Variants in DNAAF11 observed in about 807,000 individuals in gnomAD.
DNAAF11 encodes leucine rich repeat containing 6.
DNAAF11 carries 45 observed loss-of-function variants against 60.8 expected under a neutral mutation model. The ratio of observed to expected loss-of-function variants is 0.74; its 90% CI spans 0.58 to 0.95. The LOEUF (loss-of-function observed/expected upper bound fraction) is 0.95, where lower values mean the gene tolerates loss of function less well. Ranked by LOEUF, DNAAF11 falls within the 40% of genes least tolerant of loss-of-function variation. DNAAF11 has a pLI of 0.00. For missense variants in DNAAF11, 546 were observed against 546.2 expected (o/e 1.00, Z 0.00); for synonymous variants, 191 against 183.5 (o/e 1.04, Z -0.33).
intron 11 of DNAAF11, among the ~76,000 whole-genome samples, chr8:132,575,366 C>T (rs1814631645): frequency 6.6e-6 from 1 of 152,174 alleles, no homozygotes; most frequent in Non-Finnish European, 1.5e-5. Flanking sequence ...AAAAGGGTGG[C>T]ATCAGTCAAT....
intron 7 of DNAAF11, among the ~76,000 whole-genome samples, chr8:132,621,378 T>C (rs1389750357): frequency 2.0e-5 from 3 of 152,100 alleles, no homozygotes; most frequent in Non-Finnish European, 4.4e-5. Flanking sequence ...TTCTGGCCAG[T>C]GGTGCATGAC....
intron 10 of DNAAF11, chr8:132,608,478 G>C (rs1019907439): frequency 8.9e-6 from 4 of 451,892 alleles, no homozygotes; most frequent in Non-Finnish European, 1.3e-5. Flanking sequence ...TAAAGGAAAA[G>C]GGGAAAAGAA....
chr8:132,702,240 G>A, the DNAAF11 span: 1 of 152,134 alleles, frequency 6.6e-6, no homozygotes, highest in Admixed American at 6.5e-5. Flanking sequence ...CATGAAATTA[G>A]GTCTGTTTTA....
intron 10 of DNAAF11, among the ~76,000 whole-genome samples, chr8:132,602,089 AGCAGT>A (rs1817687768): frequency 6.6e-6 from 1 of 152,016 alleles, no homozygotes; most frequent in Non-Finnish European, 1.5e-5. Context: ...TTTCCAGTGT[AGCAGT>A]GCTCTCTTCA....
At chr8:132,700,034 G>C in the DNAAF11 span, among the ~76,000 whole-genome samples, 7 of 152,130 alleles carry the variant, frequency 4.6e-5, no homozygotes, top group Non-Finnish European at 1.0e-4. Flanking sequence ...TGGAACCACA[G>C]TGTTGTGGTT....
chr8:132,638,115 GA>G lies in DNAAF11; in HGVS notation c.257-9del. 6.2e-7 allele frequency: 1 copy of G among 1,608,720 alleles called. No homozygotes were observed. The highest frequency in any genetic ancestry group is 8.5e-7 in the Non-Finnish European group (1 of 1,177,678). ...TTGCCAGCTCTTCACATCCTGTTGA[GA>G]AAAATAAAGTGAAAACAAAGCAAAC... On this transcript the variant is annotated splice_polypyrimidine_tract_variant and intron_variant, in intron 3 of 11. Coordinates refer to ENST00000620350, the MANE Select transcript of DNAAF11 (RefSeq NM_012472.6).
At chr8:132,591,688 C>A (rs1032094884) in intron 10 of DNAAF11, among the ~76,000 whole-genome samples, 2 of 151,918 alleles carry the variant, frequency 1.3e-5, no homozygotes, top group African/African-American at 4.8e-5. Flanking sequence ...AATGTAAACT[C>A]CATGAGGACA....
intron 4 of DNAAF11, among the ~76,000 whole-genome samples, chr8:132,633,965 C>T (rs1026965559): frequency 6.6e-6 from 1 of 151,994 alleles, no homozygotes; most frequent in African/African-American, 2.4e-5. Flanking sequence ...TCTCCAGAAT[C>T]ATAAGGTGAT....
chr8:132,584,480 C>A (rs572033282), intron 10 of DNAAF11, among the ~76,000 whole-genome samples: 1 of 152,168 alleles, frequency 6.6e-6, no homozygotes, highest in African/African-American at 2.4e-5. Flanking sequence ...TAGGCACACA[C>A]CTACCAATAT....
chr8:132,599,428 G>A (rs905944834), intron 10 of DNAAF11, among the ~76,000 whole-genome samples: 1 of 152,130 alleles, frequency 6.6e-6, no homozygotes, highest in African/African-American at 2.4e-5. Context: ...ATTTTATGAG[G>A]CCAGCATCAT....
chr8:132,596,783 C>T (rs1252590333), intron 10 of DNAAF11, among the ~76,000 whole-genome samples: 1 of 152,156 alleles, frequency 6.6e-6, no homozygotes. Flanking sequence ...CAAAGAGCGA[C>T]ACTCCCTCTC....
intron 10 of DNAAF11, among the ~76,000 whole-genome samples, chr8:132,607,352 T>G (rs966228513): frequency 6.6e-6 from 1 of 152,208 alleles, no homozygotes; most frequent in Non-Finnish European, 1.5e-5. Flanking sequence ...TACAGCAATC[T>G]GTAGTATGCC....
intron 7 of DNAAF11, among the ~76,000 whole-genome samples, chr8:132,619,747 T>A (rs1380334755): frequency 6.6e-6 from 1 of 152,192 alleles, no homozygotes; most frequent in Non-Finnish European, 1.5e-5. Context: ...TTTTTAGAAT[T>A]TGTTTGCACA....
the DNAAF11 span, among the ~76,000 whole-genome samples, chr8:132,691,040 G>T: frequency 6.6e-6 from 1 of 150,704 alleles, no homozygotes; most frequent in Non-Finnish European, 1.5e-5. Context: ...TTCTTTGGAA[G>T]AAAGTCACTA....
chr8:132,696,636 T>A, the DNAAF11 span, among the ~76,000 whole-genome samples: 1 of 152,166 alleles, frequency 6.6e-6, no homozygotes, highest in Non-Finnish European at 1.5e-5. Flanking sequence ...GAAAACATTA[T>A]GCCACATGAA....
intron 8 of DNAAF11, among the ~76,000 whole-genome samples, chr8:132,614,466 G>T (rs1455203251): frequency 2.6e-5 from 4 of 152,232 alleles, no homozygotes; most frequent in East Asian, 1.9e-4. Flanking sequence ...CAGGCTGAAG[G>T]TTTGAGTGTC....
At chr8:132,643,325 A>G (rs753507612) in intron 3 of DNAAF11, 3 of 202,332 alleles carry the variant, frequency 1.5e-5, no homozygotes, top group African/African-American at 4.6e-5. Context: ...TTAAGTCTGT[A>G]AGTAAAAGTA....
chr8:132,630,007 T>A (rs893420831), intron 5 of DNAAF11, among the ~76,000 whole-genome samples: 10 of 152,208 alleles, frequency 6.6e-5, no homozygotes, highest in Non-Finnish European at 1.2e-4. Flanking sequence ...TCTAAATAAA[T>A]AGAGCTCTTC....
intron 1 of DNAAF11, among the ~76,000 whole-genome samples, chr8:132,672,888 A>G (rs997949744): frequency 2.0e-5 from 3 of 152,132 alleles, no homozygotes; most frequent in African/African-American, 7.2e-5. Context: ...TCCCCTCCTC[A>G]TCTCTAAAAT....
Sources: allele counts gnomAD v4.1 joint callset (sites outside exome capture counted in the v4.1 genomes callset), GRCh38; gene constraint gnomAD v4.1.1; transcripts MANE v1.5; gene names NCBI Gene and HGNC (gene_info 2026-07-23, HGNC 2026-07-21).